The following DALRD3 variants were observed in gnomAD, a reference collection of about 807,000 sequenced individuals.
DALRD3 encodes the protein DALR anticodon binding domain containing 3, also known as DALR anticodon-binding domain-containing protein 3.
Under a neutral mutation model 56.7 loss-of-function variants are expected in DALRD3, and 47 were observed. The ratio of observed to expected loss-of-function variants is 0.83; its 90% CI spans 0.66 to 1.06. DALRD3 has a LOEUF of 1.06. DALRD3 is among the 50% of genes least tolerant of loss of function. The pLI is 0.00. For synonymous variants in DALRD3, 347 were observed against 308.5 expected, an observed-to-expected ratio of 1.12 and a Z score of -1.31; for missense variants, 787 against 724.0, an observed-to-expected ratio of 1.09 and a Z score of -1.00.
upstream of DALRD3, chr3:49,020,893 C>G (rs1297042844): frequency 7.1e-6 from 2 of 280,834 alleles, no homozygotes; most frequent in South Asian, 5.7e-5. Flanking sequence ...CCCCTGGGAC[C>G]GGGTCCCGAT....
chr3:49,018,205 G>A lies in DALRD3; in HGVS notation c.279C>T (p.Ala93=), dbSNP rs1212859066. Reference sequence around the variant, plus strand: ...CGGCGCTGAGGACGCGCTCGAAGACGGCGGACCGCTGCAGTTGGAGAGACA... The same window carrying A: ...CGGCGCTGAGGACGCGCTCGAAGACAGCGGACCGCTGCAGTTGGAGAGACA... ...AGLSLQLQRS[A]VFERVLSAVA... Residue 93 remains alanine (A), a synonymous_variant, in exon 2 of 12, where the codon GCC becomes GCT. Transcript: ENST00000341949. 2.6e-5 allele frequency: 37 copies of A among 1,446,238 alleles called. No individual in the cohort carries two copies. The highest frequency in any genetic ancestry group is 3.2e-5 in the Non-Finnish European group (36 of 1,110,708). 89.6% of individuals were successfully genotyped at this position (1,446,238 alleles called of 1,614,324 possible). A position where few individuals can be genotyped will look rare whatever the true frequency, so the allele number is the denominator to read the frequency against.
At position 49,017,370 on chromosome 3, in the gene DALRD3, A is replaced by G. The variant is rs200198312; in HGVS notation, c.799-14T>C. 2 of 1,614,244 alleles carry G rather than the reference A, an allele frequency of 1.2e-6. No individual in the cohort carries two copies. Among genetic ancestry groups the G allele is most frequent in the Admixed American group, 1.7e-5 (1 of 60,030 alleles). Reference sequence around the variant, plus strand: ...TGAGGCCCCAGCCTAAGGGAGGACAATCATAACTGTGGAAGTACAGTATAC... The same window carrying G: ...TGAGGCCCCAGCCTAAGGGAGGACAGTCATAACTGTGGAAGTACAGTATAC... On this transcript the variant is annotated splice_polypyrimidine_tract_variant and intron_variant, in intron 4 of 11. Transcript: ENST00000341949.
upstream of DALRD3, chr3:49,021,235 G>A (rs2093153494): frequency 6.6e-6 from 1 of 152,402 alleles, no homozygotes; most frequent in African/African-American, 2.4e-5. This position sits in a 1 kb window ranked among gnomAD's most constrained non-coding sequence, Gnocchi z 4.1. Context: ...GGCCCCGCGG[G>A]TAGCGAAAGC....
rs765426258 is a variant in DALRD3 at position 49,017,883 on chromosome 3, G to A, written c.462-14C>T. 12 of 1,583,112 alleles carry A rather than the reference G, an allele frequency of 7.6e-6. No homozygotes were observed. The highest frequency in any genetic ancestry group is 9.4e-6 in the Non-Finnish European group (11 of 1,172,584). Reference sequence around the variant, plus strand: ...CGCACGCACACCCTGCGAAGGGAGGGCGGCCGCCTCAGTCTGAGCACCTGG... The same window carrying A: ...CGCACGCACACCCTGCGAAGGGAGGACGGCCGCCTCAGTCTGAGCACCTGG... On this transcript the variant is annotated splice_polypyrimidine_tract_variant and intron_variant, in intron 2 of 11. Transcript: ENST00000341949.
chr3:49,018,216 G>C lies in DALRD3; in HGVS notation c.268C>G (p.Gln90Glu). 1 of 1,443,754 alleles carries C rather than the reference G, an allele frequency of 6.9e-7. No individual in the cohort carries two copies. The highest frequency in any genetic ancestry group is 9.0e-7 in the Non-Finnish European group (1 of 1,108,392). 89.4% of individuals were successfully genotyped at this position (1,443,754 alleles called of 1,614,324 possible). A position where few individuals can be genotyped will look rare whatever the true frequency, so the allele number is the denominator to read the frequency against. ...PTPAGLSLQL[Q>E]RSAVFERVLS... The stretch of plus-strand genomic sequence containing the variant: ...ACGCGCTCGAAGACGGCGGACCGCT[G>C]CAGTTGGAGAGACAGACCCGCGGGG... The change falls in exon 2 of 12, where the codon CAG (glutamine) becomes GAG (glutamate). Residue 90 changes from glutamine (Q) to glutamate (E), a missense_variant. Coordinates refer to ENST00000341949, the MANE Select transcript of DALRD3 (RefSeq NM_001009996.3).
chr3:49,017,756 C>A lies in DALRD3; in HGVS notation c.575G>T (p.Arg192Met), dbSNP rs1476373654. ...GGTAAGTTCTTCAAGGGCGTGGCTC[C>A]TCAGGGTGTGGGAGGAAGCTCTCTC... ...ASERASSHTL[R>M]SHALEELTSA... The change falls in exon 3 of 12, where the codon AGG becomes ATG. Residue 192 changes from arginine to methionine, a missense_variant. Physicochemically the swap from Arg to Met is moderately conservative, Grantham distance 91. Transcript: ENST00000341949. 1 of 1,613,828 alleles carries A rather than the reference C, an allele frequency of 6.2e-7. No homozygotes were observed. The highest frequency in any genetic ancestry group is 1.7e-5 in the Admixed American group (1 of 60,010).
In DALRD3 at chr3:49,015,567, G is replaced by A; in HGVS notation, c.*21C>T. On this transcript the variant is annotated 3_prime_UTR_variant, in exon 12 of 12. Coordinates refer to ENST00000341949, the MANE Select transcript of DALRD3 (RefSeq NM_001009996.3). ...GTTGATGACTTTGTGAACATTCCCA[G>A]GTATTGGAGCCTCTGTGGCCTTAAA... 6.2e-7 allele frequency: 1 copy of A among 1,611,494 alleles called. No homozygotes were observed. Among genetic ancestry groups the A allele is most frequent in the Non-Finnish European group, 8.5e-7 (1 of 1,179,116 alleles).
rs1183068044 is a variant in DALRD3 at position 49,016,592 on chromosome 3, C to A, written c.1063+20G>T. 4.4e-6 allele frequency: 7 copies of A among 1,584,020 alleles called. No homozygotes were observed. In the South Asian group the frequency reaches 8.2e-5, roughly 18 times the overall value. ...AACCTGCCCCTAACCCAGAACATAGCCAGGGTTTCCCAGGCACACCTTGTG... is the reference window on the plus strand; with the variant it reads ...AACCTGCCCCTAACCCAGAACATAGACAGGGTTTCCCAGGCACACCTTGTG... On this transcript the variant is annotated intron_variant, in intron 7 of 11. Coordinates refer to ENST00000341949, the MANE Select transcript of DALRD3 (RefSeq NM_001009996.3).
chr3:49,018,629 C>T (rs1489195275), upstream of DALRD3: 4 of 1,467,616 alleles, frequency 2.7e-6, no homozygotes, highest in African/African-American at 2.9e-5. Context: ...CGGAAAGGAC[C>T]GACTAGCTGG....
At chr3:49,019,072 G>A (rs1377402625), upstream of DALRD3, 5 of 978,206 alleles carry the variant, frequency 5.1e-6, no homozygotes, top group Admixed American at 1.2e-4. Context: ...TTGAGATATG[G>A]GTGTTTTTTT....
At chr3:49,016,535 G>C in intron 7 of DALRD3, 24 bp from the exon 8 acceptor site, 1 of 1,610,306 alleles carries the variant, frequency 6.2e-7, no homozygotes, top group Non-Finnish European at 8.5e-7. Context: ...GGGTTGGTCA[G>C]TCAGTCTGCA....
intron 5 of DALRD3, 126 bp downstream of exon 5, chr3:49,017,102 G>T: frequency 7.2e-7 from 1 of 1,384,728 alleles, no homozygotes; most frequent in Non-Finnish European, 1.0e-6. Flanking sequence ...GCCCTCTCAA[G>T]TCCAGCAACT....
intron 5 of DALRD3, 161 bp downstream of exon 5, chr3:49,017,067 C>T: frequency 1.9e-6 from 2 of 1,066,652 alleles, no homozygotes; most frequent in Non-Finnish European, 2.7e-6. Context: ...CCCCCTTCCC[C>T]AGAGCCTCTG....
At position 49,016,655 on chromosome 3, in the gene DALRD3, C is replaced by T. The variant is rs749144961; in HGVS notation, c.1020G>A (p.Val340=). The stretch of plus-strand genomic sequence containing the variant: ...CATGCTTCAGTGCTGAGGCCTTGCA[C>T]ACCTGGGTATGCCGGAACCTGTGTT... The part of the protein sequence containing the change: ...PEYYEFRHTQ[V]CKASALKHGG... Residue 340 remains valine, a synonymous_variant, in exon 7 of 12, where the codon GTG becomes GTA. Transcript: ENST00000341949. The T allele has an allele frequency of 5.6e-6, 9 of 1,597,344 alleles. No individual in the cohort carries two copies. The Admixed American group carries it at 1.2e-4, about 21-fold the overall frequency.
upstream of DALRD3, chr3:49,019,127 G>T (rs1354330752): frequency 2.9e-6 from 2 of 679,590 alleles, no homozygotes; most frequent in African/African-American, 2.0e-5. Context: ...AGGCTGGAGT[G>T]CAGTGGCACG....
At chr3:49,018,617 T>G, upstream of DALRD3, 1 of 1,493,402 alleles carries the variant, frequency 6.7e-7, no homozygotes, top group South Asian at 1.3e-5. Context: ...AGGTGGAACT[T>G]CCGGAAAGGA....
Position 49,016,211 on chromosome 3 carries a change from A to G in DALRD3, c.1276T>C (p.Tyr426His). 1 of 1,614,174 alleles carries G rather than the reference A, an allele frequency of 6.2e-7. No individual in the cohort carries two copies. The highest frequency in any genetic ancestry group is 8.5e-7 in the Non-Finnish European group (1 of 1,180,018). Residue 426 changes from tyrosine (Y) to histidine (H), a missense_variant, in exon 9 of 12, where the codon TAC (tyrosine) becomes CAC (histidine). Tyr to His is a moderately conservative substitution (Grantham distance 83). Transcript: ENST00000341949. Reference protein sequence around the residue: ...SYKCSMEQGLYPTFPPVSSLD... With the variant: ...SYKCSMEQGLHPTFPPVSSLD... The stretch of plus-strand genomic sequence containing the variant: ...CTGCTCACAGGAGGAAAAGTGGGGT[A>G]CAGACCTTGTTCCATACTACACTTG...
chr3:49,020,387 A>G (rs1482213145), upstream of DALRD3: 3 of 412,998 alleles, frequency 7.3e-6, no homozygotes, highest in Non-Finnish European at 1.5e-5. Flanking sequence ...ATGCGGGCTG[A>G]GGCAGCCCTG....
Position 49,015,723 on chromosome 3 carries a change from C to T in DALRD3, c.1513-16G>A. ...GTCGAGGCTCCTGAAAGAGAAAGGG[C>T]CTGCTGGTCTCATCCTCTGCTTCCT... On this transcript the variant is annotated splice_polypyrimidine_tract_variant and intron_variant, in intron 11 of 11. Transcript: ENST00000341949. The T allele has an allele frequency of 6.2e-7, 1 of 1,614,054 alleles. No homozygotes were observed. The highest frequency in any genetic ancestry group is 8.5e-7 in the Non-Finnish European group (1 of 1,179,998).
Sources: gnomAD v4.1 joint callset for allele counts on GRCh38, gnomAD v4.1.1 for gene constraint, Gnocchi (gnomAD v3.1) non-coding constraint, MANE v1.5 for transcripts, NCBI Gene and HGNC (gene_info 2026-07-23, HGNC 2026-07-21) for gene names.